CDH4: variants seen among roughly 807,000 people sequenced by gnomAD.
The protein encoded by CDH4 is cadherin-4.
Under a neutral mutation model 86.0 loss-of-function variants are expected in CDH4, and 33 were observed. That is an observed-to-expected ratio of 0.38 (90% CI 0.29 to 0.51). The LOEUF (loss-of-function observed/expected upper bound fraction) is 0.51, where lower values mean the gene tolerates loss of function less well. CDH4 is among the 20% of genes least tolerant of loss of function. The probability of loss-of-function intolerance (pLI) is 0.86; values close to 1 mark genes in which losing one functional copy is unlikely to be tolerated. For missense variants in CDH4, 1,114 were observed against 1,307.4 expected (o/e 0.85, Z 2.28); for synonymous variants, 555 against 549.4 (o/e 1.01, Z -0.14).
intron 2 of CDH4, among the ~76,000 whole-genome samples, chr20:61,314,116 G>T (rs1253917430): frequency 6.6e-6 from 1 of 152,188 alleles, no homozygotes; most frequent in East Asian, 1.9e-4. Context: ...GTTACCTTTT[G>T]TGGTGAGAGG....
intron 2 of CDH4, among the ~76,000 whole-genome samples, chr20:61,342,327 C>T (rs1408251899): frequency 1.3e-5 from 2 of 152,206 alleles, no homozygotes; most frequent in African/African-American, 2.4e-5. Context: ...ACACAACTCA[C>T]CATGACGTAC....
chr20:61,367,270 G>A (rs28542709), intron 2 of CDH4, among the ~76,000 whole-genome samples: 26,786 of 151,366 alleles, frequency 0.18, 3,047 homozygotes, highest in East Asian at 0.36. Flanking sequence ...TTAAATGCTC[G>A]CTCTGTGCTA....
intron 2 of CDH4, among the ~76,000 whole-genome samples, chr20:61,372,450 A>G (rs959948177): frequency 1.3e-5 from 2 of 152,242 alleles, no homozygotes; most frequent in African/African-American, 4.8e-5. Context: ...TTCTGCCTGC[A>G]GGTCCCCATG....
intron 2 of CDH4, among the ~76,000 whole-genome samples, chr20:61,323,046 A>G (rs186005371): frequency 6.6e-6 from 1 of 152,280 alleles, no homozygotes; most frequent in African/African-American, 2.4e-5. Context: ...CAAGGGCCTG[A>G]GCTTATCTGC....
chr20:61,778,658 C>T (rs2145995014), intron 4 of CDH4, among the ~76,000 whole-genome samples: 2 of 152,124 alleles, frequency 1.3e-5, no homozygotes, highest in South Asian at 4.2e-4. Context: ...AGGAGGTGTA[C>T]CCACACCGCG....
At chr20:61,360,646 G>A (rs2123317981) in intron 2 of CDH4, among the ~76,000 whole-genome samples, 1 of 152,312 alleles carries the variant, frequency 6.6e-6, no homozygotes, top group South Asian at 2.1e-4. Context: ...ATGTGGCAAT[G>A]GAGGGAAGTC....
intron 9 of CDH4, among the ~76,000 whole-genome samples, chr20:61,913,125 C>T (rs1211353700): frequency 1.3e-5 from 2 of 152,150 alleles, no homozygotes; most frequent in South Asian, 2.1e-4. Context: ...GGGAGCACAA[C>T]GGGCAGCCCC....
chr20:61,367,751 A>G (rs527642880), intron 2 of CDH4, among the ~76,000 whole-genome samples: 1 of 152,326 alleles, frequency 6.6e-6, no homozygotes, highest in East Asian at 1.9e-4. Flanking sequence ...CAAGCATCAT[A>G]ACAATAATTG....
chr20:61,550,189 CTT>C (rs2086118487), intron 2 of CDH4, among the ~76,000 whole-genome samples: 5 of 146,828 alleles, frequency 3.4e-5, no homozygotes, highest in African/African-American at 1.3e-4. Context: ...CCCTAGCCTG[CTT>C]CCCTGGCCTC....
At position 61,937,063 on chromosome 20, in the gene CDH4, G is replaced by GC. The variant is rs916152038; in HGVS notation, c.*126dup. On this transcript the variant is annotated 3_prime_UTR_variant, in exon 16 of 16. Coordinates refer to ENST00000614565, the MANE Select transcript of CDH4 (RefSeq NM_001794.5). ...GCTGTGTCCTTAGTGCTGTTAGGAG[G>GC]CCCCCCAATCCCCACGTTGAGCTGT... The GC allele has an allele frequency of 1.3e-5, 10 of 791,694 alleles. No homozygotes were observed. Among genetic ancestry groups the GC allele is most frequent in the Non-Finnish European group, 1.5e-5 (8 of 536,452 alleles). 49.0% of individuals were successfully genotyped at this position (791,694 alleles called of 1,614,324 possible).
intron 2 of CDH4, among the ~76,000 whole-genome samples, chr20:61,725,567 A>G (rs1457658063): frequency 3.9e-5 from 6 of 152,270 alleles, no homozygotes; most frequent in African/African-American, 1.2e-4. Context: ...TCCAGTCTGA[A>G]TGGATGAAAC....
intron 4 of CDH4, among the ~76,000 whole-genome samples, chr20:61,823,705 T>G (rs1427383408): frequency 6.6e-6 from 1 of 152,196 alleles, no homozygotes; most frequent in Non-Finnish European, 1.5e-5. Context: ...ATTTGTATAT[T>G]TTGAACCCAA....
chr20:61,426,974 G>T lies in CDH4; in HGVS notation c.169+172037G>T, dbSNP rs543960898. ...ATTGGGTACTGTGTTCCAGGCAAGT[G>T]ATGTTTCTCTTTAGTAATGTTCATG... On this transcript the variant is annotated intron_variant, in intron 2 of 15. Transcript: ENST00000614565. Among the ~76,000 whole-genome samples, 541 of 152,346 alleles carry T rather than the reference G, an allele frequency of 3.6e-3. 1 individual carries two copies. The highest frequency in any genetic ancestry group is 6.8e-3 in the Middle Eastern group (2 of 294).
intron 2 of CDH4, among the ~76,000 whole-genome samples, chr20:61,565,909 C>A (rs1052452466): frequency 3.3e-5 from 5 of 152,180 alleles, no homozygotes; most frequent in East Asian, 1.9e-4. Context: ...GCATCCACCC[C>A]CTCTGTCCTC....
chr20:61,692,155 ATGTG>A (rs1256263084), intron 2 of CDH4, among the ~76,000 whole-genome samples: 1 of 148,236 alleles, frequency 6.7e-6, no homozygotes. Flanking sequence ...GTGTGTATGT[ATGTG>A]TGTCTGCATG....
chr20:61,844,628 C>A (rs534051626), intron 4 of CDH4, 40 bp from the exon 5 acceptor site: 7 of 1,581,306 alleles, frequency 4.4e-6, no homozygotes, highest in Admixed American at 1.7e-5. Flanking sequence ...CCTCTCCTCA[C>A]CACAGGATAA....
intron 2 of CDH4, among the ~76,000 whole-genome samples, chr20:61,427,909 G>A (rs1458171097): frequency 2.6e-5 from 4 of 151,652 alleles, no homozygotes; most frequent in Non-Finnish European, 4.4e-5. Flanking sequence ...AGAGAAGGAG[G>A]AAGGCAGGAG....
chr20:61,253,275 G>A (rs1568768384), intron 1 of CDH4, among the ~76,000 whole-genome samples: 1 of 150,810 alleles, frequency 6.6e-6, no homozygotes, highest in Non-Finnish European at 1.5e-5. Flanking sequence ...CGCGGCGCGG[G>A]AGGGCGCCCC....
chr20:61,825,787 C>T (rs905970656), intron 4 of CDH4, among the ~76,000 whole-genome samples: 8 of 152,176 alleles, frequency 5.3e-5, no homozygotes, highest in African/African-American at 1.9e-4. Context: ...CATGTCCAAC[C>T]GAACACCTGA....
Sources: allele counts gnomAD v4.1 joint callset (sites outside exome capture counted in the v4.1 genomes callset), GRCh38; gene constraint gnomAD v4.1.1; transcripts MANE v1.5; gene names NCBI Gene and HGNC (gene_info 2026-07-23, HGNC 2026-07-21).